The following JAM3 variants were observed in gnomAD, a reference collection of about 807,000 sequenced individuals.
The protein encoded by JAM3 is junctional adhesion molecule 3.
In JAM3, 31 loss-of-function variants were observed where a neutral mutation model predicts 39.4. That is an observed-to-expected ratio of 0.79 (90% CI 0.59 to 1.06). JAM3 has a LOEUF of 1.06. JAM3 is among the 50% of genes least tolerant of loss of function. The probability of loss-of-function intolerance (pLI) is 0.00; values close to 1 mark genes in which losing one functional copy is unlikely to be tolerated. For missense variants in JAM3, 455 were observed against 391.4 expected (o/e 1.16, Z -1.37); for synonymous variants, 182 against 148.7 (o/e 1.22, Z -1.63).
intron 1 of JAM3, among the ~76,000 whole-genome samples, chr11:134,096,783 C>G (rs1565487340): frequency 6.6e-6 from 1 of 152,154 alleles, no homozygotes; most frequent in Non-Finnish European, 1.5e-5. Flanking sequence ...CGATTGGATT[C>G]TTCTTTCCTT....
chr11:134,120,022 T>A (rs1409602254), intron 1 of JAM3, among the ~76,000 whole-genome samples: 1 of 152,216 alleles, frequency 6.6e-6, no homozygotes, highest in East Asian at 1.9e-4. Flanking sequence ...AATGCTGATA[T>A]GTGTTCTTTA....
chr11:134,069,097 G>C lies in JAM3; in HGVS notation c.14G>C (p.Arg5Pro). MALRRPPRLRLCARL... is the reference protein window; with the variant it reads MALRPPPRLRLCARL... ...GCAACCCTCGACATGGCGCTGAGGCGGCCACCGCGACTCCGGCTCTGCGCT... is the reference window on the plus strand; with the variant it reads ...GCAACCCTCGACATGGCGCTGAGGCCGCCACCGCGACTCCGGCTCTGCGCT... Residue 5 changes from arginine (R) to proline (P), a missense_variant, in exon 1 of 9, where the codon CGG becomes CCG. Arg to Pro is a moderately radical substitution (Grantham distance 103). Transcript: ENST00000299106. The C allele has an allele frequency of 1.2e-6, 2 of 1,611,628 alleles. No homozygotes were observed. The highest frequency in any genetic ancestry group is 1.1e-5 in the South Asian group (1 of 90,932).
intron 1 of JAM3, among the ~76,000 whole-genome samples, chr11:134,113,286 G>A (rs1004452997): frequency 2.0e-5 from 3 of 151,326 alleles, no homozygotes; most frequent in African/African-American, 7.3e-5. Flanking sequence ...TTGGTGTGCT[G>A]CACCCATTAA....
At chr11:134,091,524 A>G (rs1941853214) in intron 1 of JAM3, among the ~76,000 whole-genome samples, 1 of 150,870 alleles carries the variant, frequency 6.6e-6, no homozygotes, top group South Asian at 2.1e-4. Context: ...ATAGATGGAT[A>G]GATAGATAGA....
intron 1 of JAM3, among the ~76,000 whole-genome samples, chr11:134,106,159 A>G (rs994973662): frequency 9.9e-5 from 15 of 152,182 alleles, no homozygotes; most frequent in Non-Finnish European, 1.9e-4. Context: ...ATATAGATCA[A>G]TGGAACAGAA....
At chr11:134,097,103 G>T (rs537360200) in intron 1 of JAM3, among the ~76,000 whole-genome samples, 9 of 151,934 alleles carry the variant, frequency 5.9e-5, no homozygotes, top group Non-Finnish European at 1.2e-4. Context: ...CCTTTTTCTT[G>T]TCCCCTCCAC....
intron 1 of JAM3, among the ~76,000 whole-genome samples, chr11:134,102,378 G>A (rs893702949): frequency 1.3e-5 from 2 of 152,082 alleles, no homozygotes; most frequent in African/African-American, 2.4e-5. Context: ...CACCATCATC[G>A]AGGACCAAAG....
chr11:134,082,595 T>C (rs1336327136), intron 1 of JAM3, among the ~76,000 whole-genome samples: 1 of 152,182 alleles, frequency 6.6e-6, no homozygotes, highest in Non-Finnish European at 1.5e-5. Flanking sequence ...AGCTCTTCTC[T>C]TGTCTGCCGC....
intron 1 of JAM3, among the ~76,000 whole-genome samples, chr11:134,077,629 G>A (rs1344146345): frequency 6.8e-6 from 1 of 147,650 alleles, no homozygotes; most frequent in Non-Finnish European, 1.5e-5. Flanking sequence ...CTCCTAAAGT[G>A]CAAGCCACCG....
At chr11:134,142,514 G>C (rs1942994857) in intron 3 of JAM3, among the ~76,000 whole-genome samples, 2 of 152,182 alleles carry the variant, frequency 1.3e-5, no homozygotes, top group South Asian at 4.1e-4. Context: ...GCGATGAGTA[G>C]TTGCTACTCT....
chr11:134,119,508 G>A (rs556258570), intron 1 of JAM3, among the ~76,000 whole-genome samples: 1 of 152,320 alleles, frequency 6.6e-6, no homozygotes, highest in Admixed American at 6.5e-5. Flanking sequence ...GAGATAGAGA[G>A]ATAGAGATGT....
In JAM3 at chr11:134,100,162, C is replaced by T. The variant is rs757846470; in HGVS notation, c.76+31003C>T. On this transcript the variant is annotated intron_variant, in intron 1 of 8. Transcript: ENST00000299106. ...AGTACTTTGAGGTGAATCCCCCTTT[C>T]CTCCTTAAAAAAAAAATAGTGGTCA... Among the ~76,000 whole-genome samples, 9 of 152,118 alleles carry T rather than the reference C, an allele frequency of 5.9e-5. No individual in the cohort carries two copies. The South Asian group carries it at 1.9e-3, about 32-fold the overall frequency.
chr11:134,106,030 C>T (rs1343596908), intron 1 of JAM3, among the ~76,000 whole-genome samples: 1 of 152,176 alleles, frequency 6.6e-6, no homozygotes, highest in African/African-American at 2.4e-5. Flanking sequence ...AAAAAGAGCC[C>T]ACATTGCCAA....
chr11:134,107,799 G>T (rs922878079), intron 1 of JAM3, among the ~76,000 whole-genome samples: 1 of 151,918 alleles, frequency 6.6e-6, no homozygotes. Context: ...GGAAATTGAG[G>T]CTACAGTGAG....
At chr11:134,071,030 A>C (rs1170500644) in intron 1 of JAM3, among the ~76,000 whole-genome samples, 1 of 152,168 alleles carries the variant, frequency 6.6e-6, no homozygotes, top group Non-Finnish European at 1.5e-5. Flanking sequence ...TTTATGCTTT[A>C]AGCTACCCTA....
chr11:134,094,385 C>T (rs988845815), intron 1 of JAM3, among the ~76,000 whole-genome samples: 16 of 138,496 alleles, frequency 1.2e-4, no homozygotes, highest in Non-Finnish European at 3.1e-5. Flanking sequence ...TTCTCCTGAA[C>T]CCTCCTTATT....
At chr11:134,125,609 G>A (rs1212490159) in intron 1 of JAM3, among the ~76,000 whole-genome samples, 2 of 152,132 alleles carry the variant, frequency 1.3e-5, no homozygotes, top group Non-Finnish European at 2.9e-5. Context: ...CCCTGTCTGG[G>A]ACATGAGTGT....
intron 1 of JAM3, among the ~76,000 whole-genome samples, chr11:134,077,407 A>G (rs1008834612): frequency 6.8e-6 from 1 of 146,898 alleles, no homozygotes; most frequent in Admixed American, 6.9e-5. Context: ...TTTGTTGCCC[A>G]GGCTGGAGTG....
At chr11:134,103,104 G>A (rs1293546874) in intron 1 of JAM3, among the ~76,000 whole-genome samples, 1 of 152,172 alleles carries the variant, frequency 6.6e-6, no homozygotes, top group African/African-American at 2.4e-5. Context: ...GTTAAGGGCA[G>A]CCAGAGAGAA....
Sources: allele counts gnomAD v4.1 joint callset (sites outside exome capture counted in the v4.1 genomes callset), GRCh38; gene constraint gnomAD v4.1.1; transcripts MANE v1.5; gene names NCBI Gene and HGNC (gene_info 2026-07-23, HGNC 2026-07-21).